ABHD5: variants seen among roughly 807,000 people sequenced by gnomAD.
The protein encoded by ABHD5 is abhydrolase domain containing 5, lysophosphatidic acid acyltransferase.
ABHD5 carries 30 observed loss-of-function variants against 44.9 expected under a neutral mutation model. The observed-to-expected ratio is 0.67, with a 90% CI of 0.50 to 0.91. The LOEUF is 0.91. Among genes scored for constraint, ABHD5 ranks in the 40% least tolerant of loss-of-function variants. ABHD5 has a pLI of 0.00. For synonymous variants in ABHD5, 167 were observed against 147.0 expected, an observed-to-expected ratio of 1.14 and a Z score of -0.99; for missense variants, 399 against 423.4, an observed-to-expected ratio of 0.94 and a Z score of 0.50.
In ABHD5 at chr3:43,718,759, T is replaced by C. The variant is rs868459937; in HGVS notation, c.*227T>C. On this transcript the variant is annotated 3_prime_UTR_variant, in exon 7 of 7. Transcript: ENST00000644371. ...CACAAAATTGAAATATACAAGTCTC[T>C]AAATATAATACCTTTAAATAAAAGG... 20 of 516,850 alleles carry C rather than the reference T, an allele frequency of 3.9e-5. No individual in the cohort carries two copies. The Middle Eastern group carries it at 1.4e-3, about 36-fold the overall frequency. 32.0% of individuals were successfully genotyped at this position (516,850 alleles called of 1,614,324 possible).
chr3:43,690,911 A>C, upstream of ABHD5: 2 of 1,446,956 alleles, frequency 1.4e-6, no homozygotes, highest in Non-Finnish European at 1.8e-6. Context: ...GCGCCGCCTT[A>C]AGTGCCGCGC....
rs919273821 is a variant in ABHD5, at chr3:43,722,720, A to C, written c.*4188A>C. On this transcript the variant is annotated 3_prime_UTR_variant, in exon 7 of 7. Transcript: ENST00000644371. ...CCAAACAACCACAAATAAATCTTAA[A>C]CTGCATTCAGTAGTTTTATTTTTAG... 2.6e-5 allele frequency: 4 copies of C among 152,122 alleles called. No homozygotes were observed. Among genetic ancestry groups the C allele is most frequent in the Admixed American group, 6.6e-5 (1 of 15,262 alleles). 9.4% of individuals were successfully genotyped at this position (152,122 alleles called of 1,614,324 possible).
At chr3:43,706,308 A>T (rs2084618041) in intron 3 of ABHD5, among the ~76,000 whole-genome samples, 1 of 152,124 alleles carries the variant, frequency 6.6e-6, no homozygotes, top group African/African-American at 2.4e-5. Context: ...TATTCAAATG[A>T]ATCTTTGAGT....
intron 1 of ABHD5, among the ~76,000 whole-genome samples, chr3:43,696,655 G>A (rs992294733): frequency 6.6e-6 from 1 of 152,118 alleles, no homozygotes; most frequent in African/African-American, 2.4e-5. Flanking sequence ...AAAAGATAAG[G>A]CCCTTGCTTT....
chr3:43,705,379 AC>A (rs1451635970), intron 3 of ABHD5, among the ~76,000 whole-genome samples: 1 of 152,222 alleles, frequency 6.6e-6, no homozygotes, highest in Non-Finnish European at 1.5e-5. Context: ...AAAACAAGTT[AC>A]CGTGGAAATA....
At position 43,719,608 on chromosome 3, in the gene ABHD5, G is replaced by A. The variant is rs189602319; in HGVS notation, c.*1076G>A. 12 of 152,220 alleles carry A rather than the reference G, an allele frequency of 7.9e-5. No individual in the cohort carries two copies. Among genetic ancestry groups the A allele is most frequent in the African/African-American group, 2.4e-4 (10 of 41,548 alleles). The allele number at this position is 152,220 out of a possible 1,614,324, so 9.4% of individuals were successfully genotyped here. On this transcript the variant is annotated 3_prime_UTR_variant, in exon 7 of 7. Coordinates refer to ENST00000644371, the MANE Select transcript of ABHD5 (RefSeq NM_016006.6). The stretch of plus-strand genomic sequence containing the variant: ...GTGTTAATTAAATCATTACATACTT[G>A]AAGTTATATTACAAAAATTCTAGAA...
At chr3:43,696,112 C>G (rs1029682149) in intron 1 of ABHD5, among the ~76,000 whole-genome samples, 1 of 152,178 alleles carries the variant, frequency 6.6e-6, no homozygotes, top group Non-Finnish European at 1.5e-5. Flanking sequence ...AAGCTTTCCC[C>G]ATGTCATAGA....
intron 5 of ABHD5, among the ~76,000 whole-genome samples, chr3:43,716,709 G>A (rs2084767438): frequency 6.6e-6 from 1 of 152,044 alleles, no homozygotes; most frequent in Non-Finnish European, 1.5e-5. Context: ...TTTTTTTTAG[G>A]GGTCTTCCCC....
chr3:43,717,366 C>CA (rs898809814), intron 5 of ABHD5, among the ~76,000 whole-genome samples: 3 of 151,818 alleles, frequency 2.0e-5, no homozygotes, highest in African/African-American at 4.8e-5. Context: ...TAAATAAGGA[C>CA]AAAAAAACAT....
Position 43,718,347 on chromosome 3 carries a change from C to T in ABHD5, c.961-96C>T. ...CACGTGTTTTATTTAAATACAGTGG[C>T]TCTCACTTTTATTACTAAGTGTCTT... On this transcript the variant is annotated intron_variant, in intron 6 of 6. Transcript: ENST00000644371. The T allele has an allele frequency of 3.2e-6, 3 of 949,014 alleles. No homozygotes were observed. In the Admixed American group the frequency reaches 5.1e-5, roughly 16 times the overall value. 58.8% of individuals were successfully genotyped at this position (949,014 alleles called of 1,614,324 possible). A position where few individuals can be genotyped will look rare whatever the true frequency, so the allele number is the denominator to read the frequency against.
rs1189122291 is a variant in ABHD5 at position 43,691,048 on chromosome 3, A to AGCCGGCAGGGGGCTTCGTGTGTC, written c.47+10_47+32dup. ...GCCGACACCGGAGAGAGGTAAGCGC[A>AGCCGGCAGGGGGCTTCGTGTGTC]GCCGGCAGGGGGCTTCGTGTGTCTC... On this transcript the variant is annotated intron_variant, in intron 1 of 6. Transcript: ENST00000644371. The AGCCGGCAGGGGGCTTCGTGTGTC allele has an allele frequency of 1.0e-5, 16 of 1,550,294 alleles. No homozygotes were observed. Among genetic ancestry groups the AGCCGGCAGGGGGCTTCGTGTGTC allele is most frequent in the African/African-American group, 1.4e-5 (1 of 70,080 alleles).
intron 2 of ABHD5, among the ~76,000 whole-genome samples, chr3:43,700,111 G>A (rs1179913002): frequency 6.6e-6 from 1 of 152,046 alleles, no homozygotes; most frequent in African/African-American, 2.4e-5. Context: ...GCCACTAGGT[G>A]GTTACAAGAT....
chr3:43,727,324 C>G (rs1396910481), downstream of ABHD5, among the ~76,000 whole-genome samples: 1 of 152,200 alleles, frequency 6.6e-6, no homozygotes, highest in Admixed American at 6.5e-5. Context: ...TTATAGTTAT[C>G]AGCAGGTGGG....
chr3:43,695,610 C>A (rs1440698933), intron 1 of ABHD5, among the ~76,000 whole-genome samples: 7 of 152,140 alleles, frequency 4.6e-5, no homozygotes, highest in Non-Finnish European at 1.0e-4. Flanking sequence ...ACCTCTTTCA[C>A]TGTTTCATAA....
chr3:43,724,971 G>A (rs1204444386), downstream of ABHD5, among the ~76,000 whole-genome samples: 1 of 152,158 alleles, frequency 6.6e-6, no homozygotes, highest in East Asian at 1.9e-4. Flanking sequence ...ATCTTGGTTA[G>A]TATGAAATAG....
Sources: allele counts gnomAD v4.1 joint callset (sites outside exome capture counted in the v4.1 genomes callset), GRCh38; gene constraint gnomAD v4.1.1; transcripts MANE v1.5; gene names NCBI Gene and HGNC (gene_info 2026-07-23, HGNC 2026-07-21).